The following ANTXR2 variants were observed in gnomAD, a reference collection of about 807,000 sequenced individuals.
ANTXR2 encodes anthrax toxin receptor 2.
A neutral mutation model predicts 73.7 loss-of-function variants in ANTXR2; 44 were observed. That is an observed-to-expected ratio of 0.60 (90% confidence interval 0.47 to 0.77). The LOEUF (loss-of-function observed/expected upper bound fraction) is 0.77, where lower values mean the gene tolerates loss of function less well. ANTXR2 is among the 30% of genes least tolerant of loss of function. The pLI, the probability that ANTXR2 is intolerant of heterozygous loss-of-function variation, is 0.00. For synonymous variants in ANTXR2, 217 were observed against 205.9 expected (o/e 1.05, Z -0.46); for missense variants, 604 against 592.5 (o/e 1.02, Z -0.20).
At chr4:80,071,248 A>G (rs535732186) in intron 2 of ANTXR2, among the ~76,000 whole-genome samples, 6 of 137,386 alleles carry the variant, frequency 4.4e-5, no homozygotes, top group Admixed American at 3.0e-4. Context: ...TATATTATGG[A>G]TACTATTCGC....
At chr4:80,038,510 G>A (rs1056610345) in intron 7 of ANTXR2, among the ~76,000 whole-genome samples, 2 of 151,942 alleles carry the variant, frequency 1.3e-5, no homozygotes, top group Non-Finnish European at 2.9e-5. Context: ...AAGAGGTTCA[G>A]GATGATTCAA....
At chr4:79,916,339 G>A (rs774836471) in intron 16 of ANTXR2, among the ~76,000 whole-genome samples, 7 of 151,932 alleles carry the variant, frequency 4.6e-5, no homozygotes, top group Non-Finnish European at 8.8e-5. Flanking sequence ...ACCTTCTTTT[G>A]TGCTTCCTAA....
chr4:79,973,757 G>T (rs1032974969), intron 16 of ANTXR2, among the ~76,000 whole-genome samples: 1 of 152,060 alleles, frequency 6.6e-6, no homozygotes, highest in Admixed American at 6.6e-5. Context: ...TAATCTTTGT[G>T]AAACAATGAA....
chr4:79,977,495 C>T lies in ANTXR2; in HGVS notation c.1428+126G>A, dbSNP rs1578124234. On this transcript the variant is annotated intron_variant, in intron 16 of 16. Coordinates refer to ENST00000403729, the MANE Select transcript of ANTXR2 (RefSeq NM_058172.6). The stretch of plus-strand genomic sequence containing the variant: ...GACAATTCTATGTAATAGAAATCTA[C>T]ACTTGACAGTATTTCCTTCCTCAAG... 1.4e-5 allele frequency: 20 copies of T among 1,475,990 alleles called. No individual in the cohort carries two copies. In the East Asian group the frequency reaches 4.6e-4, roughly 34 times the overall value. The allele number at this position is 1,475,990 out of a possible 1,614,324, so 91.4% of individuals were successfully genotyped here.
At chr4:80,002,682 A>T (rs542135400) in intron 12 of ANTXR2, among the ~76,000 whole-genome samples, 1 of 152,210 alleles carries the variant, frequency 6.6e-6, no homozygotes, top group Admixed American at 6.5e-5. Context: ...GCTCATATCC[A>T]GAATCTACAA....
intron 16 of ANTXR2, among the ~76,000 whole-genome samples, chr4:79,950,748 G>C (rs1443175419): frequency 6.6e-6 from 1 of 152,090 alleles, no homozygotes; most frequent in Non-Finnish European, 1.5e-5. Context: ...GATCAAAAAA[G>C]CCTCTTCAGT....
chr4:80,044,992 G>T (rs1227808290), intron 7 of ANTXR2, among the ~76,000 whole-genome samples: 5 of 151,666 alleles, frequency 3.3e-5, no homozygotes, highest in Non-Finnish European at 4.4e-5. Flanking sequence ...CATGTAAAAA[G>T]ATACAGAGCT....
intron 16 of ANTXR2, among the ~76,000 whole-genome samples, chr4:79,953,817 A>T (rs561823976): frequency 6.6e-6 from 1 of 152,184 alleles, no homozygotes; most frequent in South Asian, 2.1e-4. Flanking sequence ...ATTTACAATA[A>T]TATGACTAAG....
chr4:79,910,562 A>C (rs1395032222), intron 16 of ANTXR2, among the ~76,000 whole-genome samples: 1 of 151,960 alleles, frequency 6.6e-6, no homozygotes, highest in Non-Finnish European at 1.5e-5. Context: ...AAACAAAAAA[A>C]ACAGATATTG....
rs1275944009 is a variant in ANTXR2 at position 79,943,741 on chromosome 4, A to T, written c.1428+33880T>A. Among the ~76,000 whole-genome samples the T allele has an allele frequency of 4.7e-5, 7 of 147,766 alleles. No homozygotes were observed. The South Asian group carries it at 1.5e-3, about 31-fold the overall frequency. Reference sequence around the variant, plus strand: ...CCTAAAACTTAGAGTATAATAAAAAAAAAAATAAATAAAAAATAAAACCCC... The same window carrying T: ...CCTAAAACTTAGAGTATAATAAAAATAAAAATAAATAAAAAATAAAACCCC... On this transcript the variant is annotated intron_variant, in intron 16 of 16. Coordinates refer to ENST00000403729, the MANE Select transcript of ANTXR2 (RefSeq NM_058172.6).
intron 14 of ANTXR2, among the ~76,000 whole-genome samples, chr4:79,978,731 G>C (rs1729754946): frequency 6.6e-6 from 1 of 152,192 alleles, no homozygotes; most frequent in Non-Finnish European, 1.5e-5. Context: ...TAAGTGACAG[G>C]GCAGGGATTC....
chr4:79,973,401 T>C lies in ANTXR2; in HGVS notation c.1428+4220A>G, dbSNP rs142134129. On this transcript the variant is annotated intron_variant, in intron 16 of 16. Transcript: ENST00000403729. ...GAAATAAAGAAGACCTGGTTGATGATGTGGAGTTGACATAAATTTGGATTT... is the reference window on the plus strand; with the variant it reads ...GAAATAAAGAAGACCTGGTTGATGACGTGGAGTTGACATAAATTTGGATTT... Among the ~76,000 whole-genome samples, 237 of 150,814 alleles carry C rather than the reference T, an allele frequency of 1.6e-3. 2 individuals are homozygous for C. The highest frequency in any genetic ancestry group is 5.3e-3 in the African/African-American group (216 of 41,052).
chr4:79,920,004 A>G (rs1427348865), intron 16 of ANTXR2, among the ~76,000 whole-genome samples: 2 of 150,506 alleles, frequency 1.3e-5, no homozygotes, highest in African/African-American at 4.9e-5. Flanking sequence ...ATGTAAATAT[A>G]AATTCAAAAA....
intron 12 of ANTXR2, among the ~76,000 whole-genome samples, chr4:79,987,768 C>T (rs1730253471): frequency 6.6e-6 from 1 of 152,178 alleles, no homozygotes; most frequent in African/African-American, 2.4e-5. Flanking sequence ...AACAGTGAAA[C>T]TTTCAGCAGA....
At chr4:80,015,513 A>T (rs895800039) in intron 11 of ANTXR2, among the ~76,000 whole-genome samples, 6 of 152,040 alleles carry the variant, frequency 3.9e-5, no homozygotes, top group Non-Finnish European at 1.5e-5. Flanking sequence ...CTTACATGTC[A>T]TTACTAATTT....
At chr4:80,060,334 C>T (rs940644674) in intron 3 of ANTXR2, among the ~76,000 whole-genome samples, 29 of 152,166 alleles carry the variant, frequency 1.9e-4, no homozygotes, top group Non-Finnish European at 3.7e-4. Flanking sequence ...GAAAACTCCC[C>T]AGAGTATTCT....
chr4:80,061,252 G>C (rs759214793), intron 3 of ANTXR2, among the ~76,000 whole-genome samples: 5 of 150,742 alleles, frequency 3.3e-5, no homozygotes, highest in African/African-American at 9.7e-5. Context: ...CCTAGACCCA[G>C]ATTTTAAAAA....
chr4:80,001,073 A>C lies in ANTXR2; in HGVS notation c.1041+7448T>G, dbSNP rs553642574. Among the ~76,000 whole-genome samples, 68 of 152,242 alleles carry C rather than the reference A, an allele frequency of 4.5e-4. 1 individual carries two copies. The South Asian group carries it at 0.013, about 30-fold the overall frequency. On this transcript the variant is annotated intron_variant, in intron 12 of 16. Transcript: ENST00000403729. The stretch of plus-strand genomic sequence containing the variant: ...TAAGTAAATTCTACTCAGTATATGA[A>C]GCATTATGCATATTAACTTCAAAGT...
chr4:80,072,428 G>A lies in ANTXR2; in HGVS notation c.133C>T (p.Leu45Phe), dbSNP rs1363859419. Residue 45 changes from leucine (L) to phenylalanine (F), a missense_variant, in exon 1 of 17, where the codon CTC (leucine) becomes TTC (phenylalanine). Coordinates refer to ENST00000403729, the MANE Select transcript of ANTXR2 (RefSeq NM_058172.6). Reference sequence around the variant, plus strand: ...ACTCACTTGTCCAGGACGAAGTAGAGATCAAAGGCTCTTCTGCAGGAGGGC... The same window carrying A: ...ACTCACTTGTCCAGGACGAAGTAGAAATCAAAGGCTCTTCTGCAGGAGGGC... Reference protein sequence around the residue: ...EQPSCRRAFDLYFVLDKSGSV... With the variant: ...EQPSCRRAFDFYFVLDKSGSV... 1 of 1,606,842 alleles carries A rather than the reference G, an allele frequency of 6.2e-7. No homozygotes were observed. Among genetic ancestry groups the A allele is most frequent in the Admixed American group, 1.7e-5 (1 of 59,428 alleles).
Sources: gnomAD v4.1 joint callset for allele counts (sites outside exome capture counted in the v4.1 genomes callset) on GRCh38, gnomAD v4.1.1 for gene constraint, MANE v1.5 for transcripts, NCBI Gene and HGNC (gene_info 2026-07-23, HGNC 2026-07-21) for gene names.